PICALM: variants seen among roughly 807,000 people sequenced by gnomAD.
PICALM encodes phosphatidylinositol-binding clathrin assembly protein.
A neutral mutation model predicts 80.5 loss-of-function variants in PICALM; 40 were observed. That is an observed-to-expected ratio of 0.50 (90% CI 0.39 to 0.65). PICALM has a LOEUF of 0.65. Among genes scored for constraint, PICALM ranks in the 30% least tolerant of loss-of-function variants. PICALM has a pLI of 0.00. For missense variants in PICALM, 676 were observed against 778.9 expected, an observed-to-expected ratio of 0.87 and a Z score of 1.57; for synonymous variants, 288 against 260.3, an observed-to-expected ratio of 1.11 and a Z score of -1.02.
At chr11:85,978,099 T>C in intron 17 of PICALM, 1 of 1,611,916 alleles carries the variant, frequency 6.2e-7, no homozygotes, top group Non-Finnish European at 8.5e-7. Context: ...CCATTCTGTT[T>C]TTCCCAGGGA....
At chr11:86,030,953 C>T (rs142579171) in intron 2 of PICALM, among the ~76,000 whole-genome samples, 1 of 151,972 alleles carries the variant, frequency 6.6e-6, no homozygotes. Context: ...CCCATCTCTA[C>T]AAAAAAATTT....
chr11:86,006,765 A>G (rs1284667489), intron 8 of PICALM, among the ~76,000 whole-genome samples: 1 of 152,262 alleles, frequency 6.6e-6, no homozygotes, highest in African/African-American at 2.4e-5. Context: ...AGGTACTTTC[A>G]TTCTTAATAC....
intron 2 of PICALM, among the ~76,000 whole-genome samples, chr11:86,027,686 T>C (rs1221130836): frequency 6.6e-6 from 1 of 151,950 alleles, no homozygotes; most frequent in East Asian, 1.9e-4. Context: ...AGCTCACATT[T>C]TTAAAAAAAT....
At chr11:85,992,084 G>A (rs536829650) in intron 12 of PICALM, among the ~76,000 whole-genome samples, 1 of 152,108 alleles carries the variant, frequency 6.6e-6, no homozygotes, top group Non-Finnish European at 1.5e-5. Flanking sequence ...CTGGACTCAA[G>A]CAATCCTCCT....
At chr11:86,049,622 G>C (rs987685663) in intron 1 of PICALM, among the ~76,000 whole-genome samples, 1 of 151,216 alleles carries the variant, frequency 6.6e-6, no homozygotes, top group Non-Finnish European at 1.5e-5. Context: ...GCGCAATCTC[G>C]GGGTTTCATC....
chr11:86,031,116 T>A (rs910538685), intron 2 of PICALM, among the ~76,000 whole-genome samples: 1 of 152,070 alleles, frequency 6.6e-6, no homozygotes, highest in Non-Finnish European at 1.5e-5. Flanking sequence ...AGACCCTGTC[T>A]CAAAACAAAC....
chr11:86,015,433 T>C (rs2095466312), intron 4 of PICALM, among the ~76,000 whole-genome samples: 1 of 152,252 alleles, frequency 6.6e-6, no homozygotes. Flanking sequence ...ATTTTATTCA[T>C]GACCCAACAG....
At chr11:86,009,622 G>T (rs1236814430) in intron 7 of PICALM, among the ~76,000 whole-genome samples, 1 of 152,188 alleles carries the variant, frequency 6.6e-6, no homozygotes, top group African/African-American at 2.4e-5. Context: ...AACCCAGGAG[G>T]TGGAGGTTGC....
chr11:86,025,662 G>A (rs1158661396), intron 3 of PICALM, among the ~76,000 whole-genome samples: 2 of 151,790 alleles, frequency 1.3e-5, no homozygotes, highest in Admixed American at 6.6e-5. Context: ...GGGTTCAAGC[G>A]ATTCTCCTGC....
At chr11:85,979,837 A>C (rs1375533154) in intron 17 of PICALM, among the ~76,000 whole-genome samples, 1 of 152,196 alleles carries the variant, frequency 6.6e-6, no homozygotes, top group African/African-American at 2.4e-5. Context: ...CTGTCTGGAG[A>C]AAGAATGCTT....
intron 9 of PICALM, among the ~76,000 whole-genome samples, 178 bp from the exon 10 acceptor site, chr11:86,001,336 G>A (rs1299021017): frequency 2.0e-5 from 3 of 152,170 alleles, no homozygotes; most frequent in East Asian, 1.9e-4. Flanking sequence ...CAGGATTAAA[G>A]CAATTAGAAA....
chr11:86,000,626 T>A lies in PICALM; in HGVS notation c.1154+17A>T. 2.5e-6 allele frequency: 4 copies of A among 1,602,036 alleles called. No individual in the cohort carries two copies. Among genetic ancestry groups the A allele is most frequent in the Non-Finnish European group, 3.4e-6 (4 of 1,175,598 alleles). Reference sequence around the variant, plus strand: ...TGAACCTACATATTCAAAGGTAACCTTAACTTCTACTCCTACCTGTTAGAA... The same window carrying A: ...TGAACCTACATATTCAAAGGTAACCATAACTTCTACTCCTACCTGTTAGAA... On this transcript the variant is annotated intron_variant, in intron 11 of 19. Coordinates refer to ENST00000393346, the MANE Select transcript of PICALM (RefSeq NM_007166.4).
Position 85,976,663 on chromosome 11 carries a change from T to C in PICALM, c.1799A>G (p.Tyr600Cys), listed in dbSNP as rs145178573. 3 of 1,602,092 alleles carry C rather than the reference T, an allele frequency of 1.9e-6. No homozygotes were observed. The highest frequency in any genetic ancestry group is 1.3e-5 in the African/African-American group (1 of 74,740). The change falls in exon 18 of 20, where the codon TAT becomes TGT. Residue 600 changes from tyrosine to cysteine, a missense_variant. Transcript: ENST00000393346. ...CATGCCTGTTGGTGTAGTAGCAGGA[T>C]AGGCCATTACAGGGGGTGCCTAACA... ...AATMAPPVMAYPATTPTGMIG... is the reference protein window; with the variant it reads ...AATMAPPVMACPATTPTGMIG...
chr11:85,976,910 G>A (rs1375622779), intron 17 of PICALM: 1 of 371,312 alleles, frequency 2.7e-6, no homozygotes, highest in Non-Finnish European at 5.0e-6. Context: ...CTTAAACTTA[G>A]ATACAGCAGT....
chr11:85,993,894 A>T (rs1028649421), intron 12 of PICALM, among the ~76,000 whole-genome samples: 1 of 151,656 alleles, frequency 6.6e-6, no homozygotes, highest in African/African-American at 2.4e-5. Flanking sequence ...TTTTTTTTTT[A>T]AACATGGTAG....
At chr11:85,980,155 T>C (rs532491529) in intron 17 of PICALM, among the ~76,000 whole-genome samples, 2 of 152,306 alleles carry the variant, frequency 1.3e-5, no homozygotes, top group African/African-American at 2.4e-5. Context: ...GGGCAAAAAT[T>C]TGACTCATCC....
chr11:85,993,582 G>A (rs1592673767), intron 12 of PICALM, among the ~76,000 whole-genome samples: 1 of 107,118 alleles, frequency 9.3e-6, no homozygotes, highest in Non-Finnish European at 2.4e-5. Flanking sequence ...GGGATTACAG[G>A]TGCACACCAC....
intron 19 of PICALM, among the ~76,000 whole-genome samples, chr11:85,964,357 C>T (rs115243235): frequency 1.6e-3 from 244 of 152,268 alleles, no homozygotes; most frequent in African/African-American, 5.5e-3. Context: ...GCAAAATCAA[C>T]CTCTTAAGAG....
chr11:86,007,590 GA>G lies in PICALM; in HGVS notation c.766-8del. 1 of 1,429,954 alleles carries G rather than the reference GA, an allele frequency of 7.0e-7. No individual in the cohort carries two copies. The highest frequency in any genetic ancestry group is 2.4e-5 in the East Asian group (1 of 42,354). The allele number at this position is 1,429,954 out of a possible 1,614,324, so 88.6% of individuals were successfully genotyped here. ...CTCTGTCAATTCCAACTTGCTGTAAGAAAAGCATTGTATTTAATAAATTATA... is the reference window on the plus strand; with the variant it reads ...CTCTGTCAATTCCAACTTGCTGTAAGAAAGCATTGTATTTAATAAATTATA... On this transcript the variant is annotated splice_region_variant and splice_polypyrimidine_tract_variant and intron_variant, in intron 7 of 19. Coordinates refer to ENST00000393346, the MANE Select transcript of PICALM (RefSeq NM_007166.4).
Sources: gnomAD v4.1 joint callset for allele counts (sites outside exome capture counted in the v4.1 genomes callset) on GRCh38, gnomAD v4.1.1 for gene constraint, MANE v1.5 for transcripts, NCBI Gene and HGNC (gene_info 2026-07-23, HGNC 2026-07-21) for gene names.